Variants in CEP97 observed in about 807,000 individuals in gnomAD.
CEP97 encodes centrosomal protein of 97 kDa.
In CEP97, 43 loss-of-function variants were observed where a neutral mutation model predicts 73.1. The observed-to-expected ratio is 0.59, with a 90% confidence interval of 0.46 to 0.76. The LOEUF is 0.76. Among genes scored for constraint, CEP97 ranks in the 30% least tolerant of loss-of-function variants. The pLI is 0.00. For missense variants in CEP97, 939 were observed against 1,014.0 expected (o/e 0.93, Z 1.00); for synonymous variants, 337 against 370.0 (o/e 0.91, Z 1.02).
At chr3:101,761,770 G>T (rs1939183918) in intron 9 of CEP97, among the ~76,000 whole-genome samples, 1 of 152,142 alleles carries the variant, frequency 6.6e-6, no homozygotes, top group South Asian at 2.1e-4. Flanking sequence ...AAGGCTTGGG[G>T]GGCTAGAGAA....
In CEP97 at chr3:101,755,400, T is replaced by C. The variant is rs1938974893; in HGVS notation, c.729-30T>C. 2.5e-6 allele frequency: 4 copies of C among 1,605,436 alleles called. No individual in the cohort carries two copies. In the South Asian group the frequency reaches 4.4e-5, roughly 18 times the overall value. On this transcript the variant is annotated intron_variant, in intron 6 of 10. Transcript: ENST00000341893. ...ATGTGTGTTGACTATTCTCATGCCA[T>C]CTCCTCTTTTTTATGTTCCCCAATT...
chr3:101,755,483 G>C lies in CEP97; in HGVS notation c.782G>C (p.Gly261Ala). 1 of 1,614,076 alleles carries C rather than the reference G, an allele frequency of 6.2e-7. No individual in the cohort carries two copies. Among genetic ancestry groups the C allele is most frequent in the East Asian group, 2.2e-5 (1 of 44,880 alleles). The stretch of plus-strand genomic sequence containing the variant: ...GGCAAGGGGAGAGCATATCGGCCTG[G>C]CCAGCACATCCAGCTTGTCCAATAT... ...SQGKGRAYRP[G>A]QHIQLVQYLA... is the part of the protein sequence containing the mutation. The change falls in exon 7 of 11, where the codon GGC becomes GCC. Residue 261 changes from glycine to alanine, a missense_variant. Physicochemically the swap from Gly to Ala is moderately conservative, Grantham distance 60. Transcript: ENST00000341893.
rs775200869 is a variant in CEP97 at position 101,757,248 on chromosome 3, C to A, written c.1027+52C>A. On this transcript the variant is annotated intron_variant, in intron 8 of 10. Transcript: ENST00000341893. ...CTTTTCTCCAAGTTGTTTAATTTGT[C>A]GGGTATCATAAAGCAGAAAAAGGTG... is the stretch of plus-strand genomic sequence containing the variant. The A allele has an allele frequency of 1.9e-6, 3 of 1,557,638 alleles. No homozygotes were observed. In the South Asian group the frequency reaches 3.7e-5, roughly 19 times the overall value.
intron 6 of CEP97, among the ~76,000 whole-genome samples, chr3:101,741,935 AG>A (rs1938469572): frequency 6.6e-6 from 1 of 151,428 alleles, no homozygotes; most frequent in Non-Finnish European, 1.5e-5. Context: ...CCAGCTACTC[AG>A]GGGGCTGAGG....
In CEP97 at chr3:101,726,459, A is replaced by G. The variant is rs532335575; in HGVS notation, c.44-135A>G. ...GAACTCAAGATTGCTTTAATTTTAC[A>G]ATGTTGATATTTATTATGCTCTACT... On this transcript the variant is annotated intron_variant, in intron 1 of 10. Coordinates refer to ENST00000341893, the MANE Select transcript of CEP97 (RefSeq NM_024548.4). 649 of 490,432 alleles carry G rather than the reference A, an allele frequency of 1.3e-3. 1 individual carries two copies. The highest frequency in any genetic ancestry group is 1.5e-3 in the Non-Finnish European group (439 of 300,462). 30.4% of individuals were successfully genotyped at this position (490,432 alleles called of 1,614,324 possible).
chr3:101,745,385 T>A (rs946279413), intron 6 of CEP97, among the ~76,000 whole-genome samples: 2 of 152,114 alleles, frequency 1.3e-5, no homozygotes, highest in African/African-American at 4.8e-5. Flanking sequence ...TTCAGCCTCC[T>A]GAGTAGCTGG....
At chr3:101,736,908 A>T (rs1052952938) in intron 6 of CEP97, among the ~76,000 whole-genome samples, 6 of 152,260 alleles carry the variant, frequency 3.9e-5, no homozygotes, top group Non-Finnish European at 7.3e-5. Flanking sequence ...CTAAAGGAGC[A>T]TATTCTAACC....
chr3:101,762,349 TTA>T (rs1478207225), intron 9 of CEP97, 134 bp from the exon 10 acceptor site: 1 of 460,924 alleles, frequency 2.2e-6, no homozygotes, highest in African/African-American at 2.0e-5. Context: ...AGGTTTTAAT[TTA>T]GATATTCTAA....
In CEP97 at chr3:101,765,707, T is replaced by C. The variant is rs1422031711; in HGVS notation, c.*156T>C. On this transcript the variant is annotated 3_prime_UTR_variant, in exon 11 of 11. Transcript: ENST00000341893. ...TCTTATATTTTTCAGATTCTAGATA[T>C]TGAGCTGAGTTTTCATTTTGATTTT... The C allele has an allele frequency of 6.5e-6, 4 of 611,276 alleles. No individual in the cohort carries two copies. The highest frequency in any genetic ancestry group is 2.8e-6 in the Non-Finnish European group (1 of 358,500). 37.9% of individuals were successfully genotyped at this position (611,276 alleles called of 1,614,324 possible). A position where few individuals can be genotyped will look rare whatever the true frequency, so the allele number is the denominator to read the frequency against.
chr3:101,746,737 A>T (rs1938628659), intron 6 of CEP97, among the ~76,000 whole-genome samples: 1 of 152,244 alleles, frequency 6.6e-6, no homozygotes, highest in Admixed American at 6.5e-5. Flanking sequence ...CAGAGTCAAC[A>T]GGCAACCTAC....
At chr3:101,736,368 C>T (rs964185466) in intron 6 of CEP97, among the ~76,000 whole-genome samples, 29 of 152,350 alleles carry the variant, frequency 1.9e-4, no homozygotes, top group Admixed American at 1.9e-3. Flanking sequence ...AGACTGTCTC[C>T]TCAAGTGGGT....
intron 5 of CEP97, among the ~76,000 whole-genome samples, chr3:101,732,187 G>A (rs1409673243): frequency 6.6e-6 from 1 of 152,188 alleles, no homozygotes; most frequent in South Asian, 2.1e-4. Context: ...TGGTGGTAGA[G>A]GGACATCTAC....
At chr3:101,751,429 C>G (rs900937452) in intron 6 of CEP97, among the ~76,000 whole-genome samples, 13 of 152,110 alleles carry the variant, frequency 8.5e-5, no homozygotes, top group Non-Finnish European at 2.9e-5. Flanking sequence ...TCTATTAGGT[C>G]CGCTTGGTGC....
chr3:101,736,784 T>G (rs1324554304), intron 6 of CEP97, among the ~76,000 whole-genome samples: 21 of 152,308 alleles, frequency 1.4e-4, no homozygotes, highest in South Asian at 2.1e-4. Flanking sequence ...CCAGAGTGCT[T>G]CTTCTCCCGC....
chr3:101,738,838 C>G (rs1192416808), intron 6 of CEP97, among the ~76,000 whole-genome samples: 1 of 151,978 alleles, frequency 6.6e-6, no homozygotes, highest in African/African-American at 2.4e-5. Context: ...AATATCAGAG[C>G]AGAACTGAAG....
At position 101,763,570 on chromosome 3, in the gene CEP97, C is replaced by T. The variant is rs1939226778; in HGVS notation, c.1893+1010C>T. Among the ~76,000 whole-genome samples the T allele has an allele frequency of 2.0e-5, 3 of 152,212 alleles. No homozygotes were observed. The South Asian group carries it at 6.2e-4, about 32-fold the overall frequency. ...GTCTGGAAGGATATGCATCAAGTTG[C>T]TGTCAGTAATTACCTTGGGCGGGGG... On this transcript the variant is annotated intron_variant, in intron 10 of 10. Coordinates refer to ENST00000341893, the MANE Select transcript of CEP97 (RefSeq NM_024548.4).
intron 6 of CEP97, among the ~76,000 whole-genome samples, chr3:101,742,051 A>C (rs1268192444): frequency 7.1e-6 from 1 of 140,396 alleles, no homozygotes; most frequent in Non-Finnish European, 1.6e-5. Context: ...CAAAAAAAAA[A>C]AAACAAAAAA....
intron 6 of CEP97, among the ~76,000 whole-genome samples, chr3:101,747,519 A>G (rs1164261042): frequency 1.3e-5 from 2 of 150,432 alleles, no homozygotes; most frequent in Non-Finnish European, 2.9e-5. Flanking sequence ...TCAGCCTCCC[A>G]AAGTTTTGGG....
intron 6 of CEP97, among the ~76,000 whole-genome samples, chr3:101,742,672 T>TC (rs1938492676): frequency 6.6e-6 from 1 of 150,988 alleles, no homozygotes; most frequent in East Asian, 1.9e-4. Flanking sequence ...CACCATGGCA[T>TC]GCGTATACCT....
Sources: allele counts gnomAD v4.1 joint callset (sites outside exome capture counted in the v4.1 genomes callset), GRCh38; gene constraint gnomAD v4.1.1; transcripts MANE v1.5; gene names NCBI Gene and HGNC (gene_info 2026-07-23, HGNC 2026-07-21).